Variants in AFG2A observed in about 807,000 individuals in gnomAD.
AFG2A encodes AAA ATPase AFG2A, also known as ATPase family gene 2 protein homolog A.
the AFG2A span, among the ~76,000 whole-genome samples, chr4:123,248,121 T>C: frequency 0.016 from 2,367 of 152,286 alleles, 65 homozygotes; most frequent in African/African-American, 0.053. Context: ...TTTTAAAGTA[T>C]CTTGTGGGTA....
At chr4:122,979,453 A>C in the AFG2A span, 3 of 1,518,004 alleles carry the variant, frequency 2.0e-6, no homozygotes, top group Non-Finnish European at 2.7e-6. Flanking sequence ...TTTAGAGTTC[A>C]GGGAGACTGA....
At chr4:122,998,163 A>G in the AFG2A span, among the ~76,000 whole-genome samples, 3 of 152,036 alleles carry the variant, frequency 2.0e-5, no homozygotes, top group Non-Finnish European at 2.9e-5. Context: ...TAAGTCCAGT[A>G]TCTTTTTGTT....
At chr4:123,137,961 G>T in the AFG2A span, among the ~76,000 whole-genome samples, 1 of 152,082 alleles carries the variant, frequency 6.6e-6, no homozygotes, top group African/African-American at 2.4e-5. Context: ...CAATGATCTA[G>T]GTCAAGAAGA....
At chr4:122,945,694 TG>T in the AFG2A span, among the ~76,000 whole-genome samples, 1 of 152,188 alleles carries the variant, frequency 6.6e-6, no homozygotes, top group African/African-American at 2.4e-5. Context: ...GAGATGAACC[TG>T]GTACCTCAGA....
At chr4:123,153,057 A>G in the AFG2A span, among the ~76,000 whole-genome samples, 2 of 152,340 alleles carry the variant, frequency 1.3e-5, no homozygotes, top group Non-Finnish European at 2.9e-5. Flanking sequence ...TACTTTTGTC[A>G]TTCAGATATT....
chr4:123,049,535 T>C, the AFG2A span, among the ~76,000 whole-genome samples: 1 of 152,090 alleles, frequency 6.6e-6, no homozygotes, highest in South Asian at 2.1e-4. Flanking sequence ...TGTTATTGCT[T>C]TTCTGTTTTT....
the AFG2A span, among the ~76,000 whole-genome samples, chr4:122,986,918 A>C: frequency 6.6e-6 from 1 of 152,188 alleles, no homozygotes; most frequent in East Asian, 1.9e-4. Context: ...AAAGTGGGTT[A>C]TTGAAGTCTC....
chr4:123,084,826 T>A, the AFG2A span, among the ~76,000 whole-genome samples: 1 of 152,082 alleles, frequency 6.6e-6, no homozygotes. Flanking sequence ...AGATGGGGTC[T>A]CACTCTGTTG....
At chr4:123,036,208 T>C in the AFG2A span, among the ~76,000 whole-genome samples, 1 of 152,180 alleles carries the variant, frequency 6.6e-6, no homozygotes, top group African/African-American at 2.4e-5. Context: ...GGAGAGATAT[T>C]TGACTCAACA....
chr4:122,951,299 A>T, the AFG2A span, among the ~76,000 whole-genome samples: 59 of 152,242 alleles, frequency 3.9e-4, no homozygotes, highest in Middle Eastern at 0.02. Flanking sequence ...GGATGTACAT[A>T]GGCTACATGC....
the AFG2A span, among the ~76,000 whole-genome samples, chr4:122,966,568 T>A: frequency 0.16 from 24,677 of 152,148 alleles, 2,433 homozygotes; most frequent in East Asian, 0.45. Flanking sequence ...TTTTATCAGG[T>A]TAACATCGAT....
the AFG2A span, among the ~76,000 whole-genome samples, chr4:123,184,031 A>C: frequency 4.3e-4 from 65 of 152,172 alleles, no homozygotes; most frequent in Middle Eastern, 0.01. Context: ...CCTGGGCTCA[A>C]GTGATCCTCC....
At chr4:123,203,569 C>T in the AFG2A span, among the ~76,000 whole-genome samples, 3 of 152,168 alleles carry the variant, frequency 2.0e-5, no homozygotes, top group South Asian at 2.1e-4. Context: ...TGAGCCACTG[C>T]GCCCAGCCAG....
the AFG2A span, among the ~76,000 whole-genome samples, chr4:123,044,848 T>C: frequency 1.3e-5 from 2 of 152,096 alleles, no homozygotes; most frequent in African/African-American, 4.8e-5. Context: ...CTGATTTTTT[T>C]CTTCAGCTTG....
the AFG2A span, chr4:122,933,631 G>C: frequency 1.5e-6 from 1 of 670,322 alleles, no homozygotes; most frequent in Non-Finnish European, 2.5e-6. Flanking sequence ...CTCAATGAAT[G>C]AATATACTTT....
At chr4:123,026,428 C>T in the AFG2A span, among the ~76,000 whole-genome samples, 2 of 152,004 alleles carry the variant, frequency 1.3e-5, no homozygotes, top group East Asian at 1.9e-4. Context: ...AATACTAACA[C>T]GAACGATAGG....
chr4:123,124,676 A>G, the AFG2A span, among the ~76,000 whole-genome samples: 2 of 152,230 alleles, frequency 1.3e-5, no homozygotes, highest in Non-Finnish European at 2.9e-5. Context: ...TTATTGGACC[A>G]CTGCATACCT....
At chr4:123,306,836 A>G in the AFG2A span, among the ~76,000 whole-genome samples, 1 of 152,240 alleles carries the variant, frequency 6.6e-6, no homozygotes, top group Non-Finnish European at 1.5e-5. Context: ...AGAGCTGGCC[A>G]AAACGTTTTT....
At chr4:123,034,597 A>AAAATTAAGG in the AFG2A span, among the ~76,000 whole-genome samples, 1 of 148,858 alleles carries the variant, frequency 6.7e-6, no homozygotes, top group Non-Finnish European at 1.5e-5. Context: ...ACATTAGGGA[A>AAAATTAAGG]AAATTAAGGA....
Sources: gnomAD v4.1 joint callset for allele counts (sites outside exome capture counted in the v4.1 genomes callset) on GRCh38, gnomAD v4.1.1 for gene constraint, MANE v1.5 for transcripts, NCBI Gene and HGNC (gene_info 2026-07-23, HGNC 2026-07-21) for gene names.